The following FOXP2 variants were observed in gnomAD, a reference collection of about 807,000 sequenced individuals.
FOXP2 encodes forkhead box protein P2.
FOXP2 carries 12 observed loss-of-function variants against 115.8 expected under a neutral mutation model. The ratio of observed to expected loss-of-function variants is 0.10; its 90% confidence interval spans 0.07 to 0.17. The LOEUF (loss-of-function observed/expected upper bound fraction) is 0.17. FOXP2 is among the 10% of genes least tolerant of loss of function. FOXP2 has a pLI of 1.00. For missense variants in FOXP2, 629 were observed against 843.5 expected, an observed-to-expected ratio of 0.75 and a Z score of 3.15; for synonymous variants, 328 against 297.7, an observed-to-expected ratio of 1.10 and a Z score of -1.05.
At chr7:114,154,091 TGAA>T (rs371952156) in intron 1 of FOXP2, among the ~76,000 whole-genome samples, 25 of 152,268 alleles carry the variant, frequency 1.6e-4, no homozygotes, top group South Asian at 8.3e-4. Flanking sequence ...AGCAGCAACT[TGAA>T]GGTTTGTAGG....
At chr7:114,539,303 C>A (rs1464956646) in intron 3 of FOXP2, among the ~76,000 whole-genome samples, 1 of 151,598 alleles carries the variant, frequency 6.6e-6, no homozygotes, top group Non-Finnish European at 1.5e-5. Flanking sequence ...ATTTATGTAG[C>A]GATAAAGAAT....
intron 5 of FOXP2, 33 bp downstream of exon 5, chr7:114,630,038 GT>G: frequency 6.2e-7 from 1 of 1,605,126 alleles, no homozygotes; most frequent in Non-Finnish European, 8.5e-7. Context: ...ATACATAACA[GT>G]TTGCAGTTAA....
intron 3 of FOXP2, among the ~76,000 whole-genome samples, chr7:114,574,828 T>G (rs925117804): frequency 6.6e-6 from 1 of 151,908 alleles, no homozygotes; most frequent in Non-Finnish European, 1.5e-5. Context: ...ATGAATCTTT[T>G]GATGAACAAA....
At chr7:114,411,053 C>A (rs1183784778), upstream of FOXP2, among the ~76,000 whole-genome samples, 3 of 152,022 alleles carry the variant, frequency 2.0e-5, no homozygotes, top group African/African-American at 4.8e-5. Flanking sequence ...AAAATGCATA[C>A]ATAAATGGCA....
At chr7:114,434,890 A>G (rs1794271694) in intron 2 of FOXP2, among the ~76,000 whole-genome samples, 1 of 152,184 alleles carries the variant, frequency 6.6e-6, no homozygotes, top group African/African-American at 2.4e-5. Context: ...TCCAATTAAC[A>G]TATACATTTT....
intron 3 of FOXP2, among the ~76,000 whole-genome samples, chr7:114,545,412 A>G (rs1799866420): frequency 6.6e-6 from 1 of 152,198 alleles, no homozygotes; most frequent in African/African-American, 2.4e-5. Flanking sequence ...GATCATTTCC[A>G]ACAATATTGT....
chr7:114,570,359 G>T (rs1472307974), intron 3 of FOXP2, among the ~76,000 whole-genome samples: 1 of 151,838 alleles, frequency 6.6e-6, no homozygotes, highest in Non-Finnish European at 1.5e-5. Context: ...GGTAGGACAG[G>T]ATTTATGTTC....
At chr7:114,412,174 T>C (rs1454038894), upstream of FOXP2, among the ~76,000 whole-genome samples, 2 of 152,146 alleles carry the variant, frequency 1.3e-5, no homozygotes, top group African/African-American at 4.8e-5. Context: ...CAATCTATTT[T>C]TAAAATTACT....
intron 3 of FOXP2, among the ~76,000 whole-genome samples, chr7:114,619,051 G>A (rs1479513944): frequency 6.6e-6 from 1 of 152,138 alleles, no homozygotes; most frequent in Non-Finnish European, 1.5e-5. Context: ...TGAACAAAGT[G>A]ACAAAGCAAG....
Position 114,460,819 on chromosome 7 carries a change from G to A in FOXP2, c.168+34140G>A, listed in dbSNP as rs116178675. On this transcript the variant is annotated intron_variant, in intron 2 of 16. Transcript: ENST00000350908. ...ACTATATCAGGGAGATAAGAAAATT[G>A]CTTTGTTATAGCTCTAGAATCTTCA... 5.0e-3 allele frequency among the ~76,000 whole-genome samples: 760 copies of A among 152,268 alleles called. 7 individuals are homozygous for A. The highest frequency in any genetic ancestry group is 0.018 in the African/African-American group (729 of 41,554).
intron 3 of FOXP2, among the ~76,000 whole-genome samples, chr7:114,581,934 A>C (rs1471339775): frequency 1.3e-5 from 2 of 152,202 alleles, no homozygotes; most frequent in African/African-American, 2.4e-5. Flanking sequence ...ACCATAGAGC[A>C]GTGATTTGAA....
chr7:114,484,257 A>G (rs1796678067), intron 2 of FOXP2, among the ~76,000 whole-genome samples: 1 of 151,834 alleles, frequency 6.6e-6, no homozygotes, highest in African/African-American at 2.4e-5. Context: ...ATTGACCTCA[A>G]AAAGCAAGAG....
rs1016047341 is a variant in FOXP2, at chr7:114,234,478, T to A, written c.-101-53541T>A. ...AAAAATATTCTGAATGAGGTACAGG[T>A]TGTTTAACGTTAGCAATATAGCTTC... On this transcript the variant is annotated intron_variant, in intron 1 of 17. Coordinates refer to the FOXP2 transcript ENST00000634411. Among the ~76,000 whole-genome samples, 3 of 152,346 alleles carry A rather than the reference T, an allele frequency of 2.0e-5. No individual in the cohort carries two copies. In the East Asian group the frequency reaches 5.8e-4, roughly 29 times the overall value.
intron 2 of FOXP2, among the ~76,000 whole-genome samples, chr7:114,436,242 A>G (rs906055970): frequency 4.6e-5 from 7 of 151,948 alleles, no homozygotes; most frequent in South Asian, 2.1e-4. Context: ...CTCTACTGCT[A>G]TCACTCTTCG....
intron 2 of FOXP2, among the ~76,000 whole-genome samples, chr7:114,391,758 T>G (rs970103444): frequency 6.6e-6 from 1 of 152,206 alleles, no homozygotes; most frequent in Non-Finnish European, 1.5e-5. Context: ...TATCAACTGA[T>G]CTTGTTGTAA....
Position 114,615,111 on chromosome 7 carries a change from C to T in FOXP2, c.259-13429C>T, listed in dbSNP as rs181844617. 1.4e-4 allele frequency among the ~76,000 whole-genome samples: 22 copies of T among 152,066 alleles called. 1 individual carries two copies. The East Asian group carries it at 3.9e-3, about 27-fold the overall frequency. ...GTGGGTGCCTGTAATCCCAGCTACT[C>T]GTGAGGCTGAGTCAGGAAAATCATT... On this transcript the variant is annotated intron_variant, in intron 3 of 16. Coordinates refer to ENST00000350908, the MANE Select transcript of FOXP2 (RefSeq NM_014491.4).
chr7:114,384,450 C>A (rs1047217940), intron 2 of FOXP2, among the ~76,000 whole-genome samples: 6 of 152,026 alleles, frequency 3.9e-5, no homozygotes, highest in Non-Finnish European at 7.4e-5. Context: ...TTGAGGAGAC[C>A]AATTCTTAGG....
At chr7:114,281,990 G>C in intron 1 of FOXP2, among the ~76,000 whole-genome samples, 1 of 152,210 alleles carries the variant, frequency 6.6e-6, no homozygotes, top group Middle Eastern at 3.4e-3. Flanking sequence ...ACTCTGTACA[G>C]ATAATGCTTA....
At chr7:114,642,913 A>G (rs1277156708) in intron 7 of FOXP2, among the ~76,000 whole-genome samples, 3 of 146,628 alleles carry the variant, frequency 2.0e-5, no homozygotes, top group African/African-American at 7.6e-5. Context: ...GGTTCCTGCC[A>G]TTCTCCTGCC....
Sources: gnomAD v4.1 joint callset for allele counts (sites outside exome capture counted in the v4.1 genomes callset) on GRCh38, gnomAD v4.1.1 for gene constraint, MANE v1.5 for transcripts, NCBI Gene and HGNC (gene_info 2026-07-23, HGNC 2026-07-21) for gene names.